MDN1: variants seen among roughly 807,000 people sequenced by gnomAD.
MDN1 encodes the protein midasin AAA ATPase 1.
In MDN1, 266 loss-of-function variants were observed where a neutral mutation model predicts 669.2. The ratio of observed to expected loss-of-function variants is 0.40; its 90% CI spans 0.36 to 0.44. The LOEUF (loss-of-function observed/expected upper bound fraction) is 0.44. Ranked by LOEUF, MDN1 falls within the 20% of genes least tolerant of loss-of-function variation. The pLI is 1.00. For synonymous variants in MDN1, 2,385 were observed against 2,457.1 expected (o/e 0.97, Z 0.87); for missense variants, 5,940 against 6,754.0 (o/e 0.88, Z 4.22).
At chr6:89,811,256 A>G (rs1768395464) in intron 1 of MDN1, among the ~76,000 whole-genome samples, 1 of 152,148 alleles carries the variant, frequency 6.6e-6, no homozygotes, top group Non-Finnish European at 1.5e-5. Flanking sequence ...AAAAGGGATC[A>G]GCTAGGCTAG....
At chr6:89,725,137 A>G in intron 38 of MDN1, 62 bp downstream of exon 38, 1 of 1,465,482 alleles carries the variant, frequency 6.8e-7, no homozygotes, top group Non-Finnish European at 9.5e-7. Flanking sequence ...TAAAGGCTTC[A>G]TAATAGTAGT....
rs562237866 is a variant in MDN1, at chr6:89,819,354, C to A, written c.102+152G>T. 1.6e-3 allele frequency: 1,189 copies of A among 731,552 alleles called. 2 individuals carry two copies. The highest frequency in any genetic ancestry group is 2.4e-3 in the Non-Finnish European group (1,018 of 429,938). The allele number at this position is 731,552 out of a possible 1,614,324, so 45.3% of individuals were successfully genotyped here. A position where few individuals can be genotyped will look rare whatever the true frequency, so the allele number is the denominator to read the frequency against. ...CCTCAAACACGCTCGGAAACCTCCA[C>A]GACCTGCGCCAGCCCACAGGAGGGG... On this transcript the variant is annotated intron_variant, in intron 1 of 101. Transcript: ENST00000369393.
chr6:89,713,331 A>G (rs1294266979), intron 46 of MDN1, 35 bp from the exon 47 acceptor site: 2 of 1,542,300 alleles, frequency 1.3e-6, no homozygotes. Context: ...TAAACAATAG[A>G]GTCTTTAAAA....
chr6:89,816,652 C>T (rs1390924128), intron 1 of MDN1, among the ~76,000 whole-genome samples: 1 of 151,700 alleles, frequency 6.6e-6, no homozygotes, highest in Non-Finnish European at 1.5e-5. Context: ...ATAATATGAA[C>T]CTTGGTCTCC....
chr6:89,677,875 A>C (rs973757800), intron 75 of MDN1, among the ~76,000 whole-genome samples, 179 bp from the exon 76 acceptor site: 1 of 152,240 alleles, frequency 6.6e-6, no homozygotes, highest in African/African-American at 2.4e-5. Context: ...CTGCACTTCC[A>C]CAAGATTCCC....
At chr6:89,785,168 AT>A in intron 8 of MDN1, 42 bp from the exon 9 acceptor site, 1 of 1,376,380 alleles carries the variant, frequency 7.3e-7, no homozygotes, top group Non-Finnish European at 1.0e-6. Flanking sequence ...AAAATTCCAA[AT>A]TTTAATCCTG....
At chr6:89,722,682 T>C (rs2128313707) in intron 40 of MDN1, among the ~76,000 whole-genome samples, 1 of 152,160 alleles carries the variant, frequency 6.6e-6, no homozygotes, top group South Asian at 2.1e-4. Context: ...ACCCCGTTTC[T>C]ACTAAATACA....
At chr6:89,724,300 T>C (rs1815052982) in intron 38 of MDN1, among the ~76,000 whole-genome samples, 1 of 152,198 alleles carries the variant, frequency 6.6e-6, no homozygotes, top group Non-Finnish European at 1.5e-5. Context: ...CTTCTTTTTT[T>C]AAGATGGAGT....
intron 2 of MDN1, 37 bp downstream of exon 2, chr6:89,803,291 C>T (rs1767783268): frequency 1.9e-6 from 3 of 1,578,872 alleles, no homozygotes; most frequent in Non-Finnish European, 2.6e-6. Flanking sequence ...GTTCTATCAC[C>T]TCAAGGAGAA....
At position 89,702,026 on chromosome 6, in the gene MDN1, C is replaced by A; in HGVS notation, c.8184G>T (p.Trp2728Cys). The A allele has an allele frequency of 6.2e-7, 1 of 1,612,680 alleles. No homozygotes were observed. The change falls in exon 54 of 102, where the codon TGG becomes TGT. Residue 2728 changes from tryptophan (W) to cysteine (C), a missense_variant. By Grantham distance (215) the Trp-to-Cys change is radical (BLOSUM62 -2). Transcript: ENST00000369393. ...CTACTTTTACTGTGTCGGCCACAGT[C>A]CAGAACCGGTCCCGCCACCGCAGAG... ...LGSLRWRDRF[W>C]TVADTVKVDA...
Position 89,713,300 on chromosome 6 carries a change from T to A in MDN1, c.7070-4A>T, listed in dbSNP as rs1394825350. 2 of 1,601,100 alleles carry A rather than the reference T, an allele frequency of 1.2e-6. No homozygotes were observed. Among genetic ancestry groups the A allele is most frequent in the Non-Finnish European group, 8.5e-7 (1 of 1,175,830 alleles). On this transcript the variant is annotated splice_region_variant and splice_polypyrimidine_tract_variant and intron_variant, in intron 46 of 101. Transcript: ENST00000369393. ...GATACAGAAGATGTTGGAGAACCTA[T>A]TAAAAAAAAATTGCCATCTATAAAC...
At chr6:89,651,841 TAA>T (rs1174437708) in intron 95 of MDN1, among the ~76,000 whole-genome samples, 1 of 152,236 alleles carries the variant, frequency 6.6e-6, no homozygotes, top group African/African-American at 2.4e-5. Flanking sequence ...ACTACCACGT[TAA>T]GTCAGCCAGC....
intron 29 of MDN1, among the ~76,000 whole-genome samples, chr6:89,744,780 G>A (rs1816502498): frequency 6.6e-6 from 1 of 152,072 alleles, no homozygotes; most frequent in South Asian, 2.1e-4. Flanking sequence ...CTACCTGGGA[G>A]GCTGAGCCAG....
chr6:89,747,564 G>T, intron 26 of MDN1, 94 bp from the exon 27 acceptor site: 2 of 1,292,752 alleles, frequency 1.5e-6, no homozygotes, highest in Non-Finnish European at 1.0e-6. Flanking sequence ...ACAAATTTAT[G>T]CTCCCATTTA....
At chr6:89,647,950 C>T in intron 99 of MDN1, 82 bp downstream of exon 99, 3 of 1,086,060 alleles carry the variant, frequency 2.8e-6, no homozygotes, top group Non-Finnish European at 4.2e-6. Flanking sequence ...AAGGTCCTGT[C>T]TCAAAAATAA....
intron 35 of MDN1, among the ~76,000 whole-genome samples, chr6:89,729,876 G>A (rs1296035608): frequency 6.6e-6 from 1 of 152,000 alleles, no homozygotes; most frequent in Non-Finnish European, 1.5e-5. Context: ...AGCCCATCAG[G>A]GATGAAGAGA....
chr6:89,767,453 A>G (rs1422816183), intron 15 of MDN1, among the ~76,000 whole-genome samples: 1 of 152,200 alleles, frequency 6.6e-6, no homozygotes, highest in Non-Finnish European at 1.5e-5. Context: ...CATAATAATA[A>G]TTGCTTCAAA....
rs755970532 is a variant in MDN1, at chr6:89,758,803, A to G, written c.2605+13T>C. 3.7e-6 allele frequency: 6 copies of G among 1,613,970 alleles called. No homozygotes were observed. In the East Asian group the frequency reaches 1.3e-4, roughly 36 times the overall value. ...TTGACACCAAGTCAAATCCCAAGGG[A>G]TTCAAGTGCTACCTGTGTCTCCTCG... On this transcript the variant is annotated intron_variant, in intron 18 of 101. Coordinates refer to ENST00000369393, the MANE Select transcript of MDN1 (RefSeq NM_014611.3).
chr6:89,670,677 C>T lies in MDN1; in HGVS notation c.13956+242G>A, dbSNP rs943875918. On this transcript the variant is annotated intron_variant, in intron 83 of 101. Coordinates refer to ENST00000369393, the MANE Select transcript of MDN1 (RefSeq NM_014611.3). ...AGACAGCGCTGGAGTTTAGGGAACTCGTCAGTTTGGGGGAAAGGGTGGGTT... is the reference window on the plus strand; with the variant it reads ...AGACAGCGCTGGAGTTTAGGGAACTTGTCAGTTTGGGGGAAAGGGTGGGTT... Among the ~76,000 whole-genome samples the T allele has an allele frequency of 2.6e-5, 4 of 151,892 alleles. No homozygotes were observed. In the South Asian group the frequency reaches 8.3e-4, roughly 32 times the overall value.
Sources: gnomAD v4.1 joint callset for allele counts (sites outside exome capture counted in the v4.1 genomes callset) on GRCh38, gnomAD v4.1.1 for gene constraint, MANE v1.5 for transcripts, NCBI Gene and HGNC (gene_info 2026-07-23, HGNC 2026-07-21) for gene names.